Variants in CLEC6A observed in about 807,000 individuals in gnomAD.
CLEC6A encodes C-type lectin domain containing 6A.
Under a neutral mutation model 25.7 loss-of-function variants are expected in CLEC6A, and 22 were observed. The ratio of observed to expected loss-of-function variants is 0.85; its 90% CI spans 0.61 to 1.22. The LOEUF (loss-of-function observed/expected upper bound fraction) is 1.22, where lower values mean the gene tolerates loss of function less well. CLEC6A is among the 50% of genes most tolerant of loss of function. The probability of loss-of-function intolerance (pLI) is 0.00; values close to 1 mark genes in which losing one functional copy is unlikely to be tolerated. For synonymous variants in CLEC6A, 92 were observed against 76.7 expected (o/e 1.20, Z -1.04); for missense variants, 240 against 236.8 (o/e 1.01, Z -0.09).
rs1939929611 is a variant in CLEC6A, at chr12:8,473,279, C to CT, written c.370-2846_370-2845insT. ...AAAGTGCTGGGATTACAGGCGTGAGCCACCGCGCCCGGCCAGCTCCTACTT... is the reference window on the plus strand; with the variant it reads ...AAAGTGCTGGGATTACAGGCGTGAGCTCACCGCGCCCGGCCAGCTCCTACTT... On this transcript the variant is annotated intron_variant, in intron 4 of 5. Coordinates refer to ENST00000382073, the MANE Select transcript of CLEC6A (RefSeq NM_001007033.2). 2.4e-4 allele frequency among the ~76,000 whole-genome samples: 2 copies of CT among 8,206 alleles called. 1 individual carries two copies. The highest frequency in any genetic ancestry group is 8.2e-4 in the Non-Finnish European group (2 of 2,446). The allele number at this position is 8,206 out of a possible 152,430, so 5.4% of individuals were successfully genotyped here.
chr12:8,459,652 A>G lies in CLEC6A; in HGVS notation c.177A>G (p.Ser59=), dbSNP rs1168432276. The G allele has an allele frequency of 1.9e-6, 3 of 1,613,800 alleles. No individual in the cohort carries two copies. The highest frequency in any genetic ancestry group is 2.5e-6 in the Non-Finnish European group (3 of 1,179,674). Residue 59 remains serine, a synonymous_variant, in exon 3 of 6, where the codon TCA becomes TCG. Transcript: ENST00000382073. The part of the protein sequence containing the change: ...ETGKRLSELH[S]YHSSLTCFSE... ...GCAAAAGGCTGTCTGAACTACACTC[A>G]TATCATTCAAGTCTCACCTGCTTCA...
chr12:8,475,520 GA>G (rs1330030040), intron 4 of CLEC6A, among the ~76,000 whole-genome samples: 2 of 151,782 alleles, frequency 1.3e-5, no homozygotes, highest in Non-Finnish European at 2.9e-5. Flanking sequence ...TCAAAGGCCT[GA>G]AATCCAGGGG....
chr12:8,475,144 G>A (rs1217695491), intron 4 of CLEC6A, among the ~76,000 whole-genome samples: 1 of 151,910 alleles, frequency 6.6e-6, no homozygotes. Flanking sequence ...TTGATTTTCT[G>A]TCCTTGTGAT....
chr12:8,458,072 C>A, intron 2 of CLEC6A, 85 bp downstream of exon 2: 1 of 911,934 alleles, frequency 1.1e-6, no homozygotes, highest in Non-Finnish European at 1.8e-6. Flanking sequence ...TTCTCCTTTG[C>A]CCCATTAATA....
rs143278344 is a variant in CLEC6A, at chr12:8,475,267, C to T, written c.370-858C>T. Among the ~76,000 whole-genome samples the T allele has an allele frequency of 2.2e-3, 335 of 151,996 alleles. 1 individual carries two copies. Among genetic ancestry groups the T allele is most frequent in the African/African-American group, 7.6e-3 (313 of 41,446 alleles). On this transcript the variant is annotated intron_variant, in intron 4 of 5. Transcript: ENST00000382073. ...ACCCCAATGCAATTTCACTGAAAAA[C>T]AGTAGGAAATTAATATGGAACACAT...
chr12:8,470,803 T>G (rs945322344), intron 4 of CLEC6A, among the ~76,000 whole-genome samples: 2 of 152,076 alleles, frequency 1.3e-5, no homozygotes, highest in Non-Finnish European at 2.9e-5. Context: ...CAGTGTACAC[T>G]GCTTAGGTAT....
At chr12:8,461,300 G>T in intron 3 of CLEC6A, 1 of 544,754 alleles carries the variant, frequency 1.8e-6, no homozygotes, top group East Asian at 3.1e-5. Flanking sequence ...AACAAGAAAA[G>T]AAAAGAAAAA....
intron 5 of CLEC6A, among the ~76,000 whole-genome samples, chr12:8,476,850 A>G (rs1042288158): frequency 4.6e-5 from 7 of 151,940 alleles, no homozygotes; most frequent in Non-Finnish European, 1.0e-4. Flanking sequence ...GTTATGTCCA[A>G]CCTCCCAGTC....
chr12:8,462,921 T>A (rs957891187), intron 3 of CLEC6A, among the ~76,000 whole-genome samples: 2 of 151,858 alleles, frequency 1.3e-5, no homozygotes, highest in African/African-American at 4.8e-5. Context: ...CAGATTTTTA[T>A]CATGCTATAG....
intron 4 of CLEC6A, among the ~76,000 whole-genome samples, chr12:8,472,137 G>A (rs1939913267): frequency 1.3e-5 from 2 of 152,014 alleles, no homozygotes; most frequent in African/African-American, 4.8e-5. Flanking sequence ...AATCAGCCTG[G>A]GTATAGATTC....
chr12:8,475,424 A>C lies in CLEC6A; in HGVS notation c.370-701A>C, dbSNP rs76783652. Among the ~76,000 whole-genome samples, 33 of 152,134 alleles carry C rather than the reference A, an allele frequency of 2.2e-4. No homozygotes were observed. The East Asian group carries it at 4.8e-3, about 22-fold the overall frequency. On this transcript the variant is annotated intron_variant, in intron 4 of 5. Transcript: ENST00000382073. ...GATTTATATGAAAAAATAGGCTCAC[A>C]TGATTACGTAGGCTAAGAAGTCCTG...
In CLEC6A at chr12:8,456,954, A is replaced by T. The variant is rs181829534; in HGVS notation, c.31+812A>T. ...GTGAAATCCCGTCTCTAATAAAAAG[A>T]CAAAACTTAGCTGGGCATGGTGGCA... On this transcript the variant is annotated intron_variant, in intron 1 of 5. Transcript: ENST00000382073. 1.4e-3 allele frequency among the ~76,000 whole-genome samples: 218 copies of T among 152,248 alleles called. 1 individual carries two copies. The highest frequency in any genetic ancestry group is 5.0e-3 in the African/African-American group (208 of 41,544).
intron 3 of CLEC6A, among the ~76,000 whole-genome samples, chr12:8,462,123 G>A (rs1482234596): frequency 6.6e-6 from 1 of 152,118 alleles, no homozygotes. Flanking sequence ...TGGATTAAGG[G>A]CTGTGCAGGA....
In CLEC6A at chr12:8,457,893, G is replaced by T. The variant is rs747795438; in HGVS notation, c.32-5G>T. 30 of 1,612,132 alleles carry T rather than the reference G, an allele frequency of 1.9e-5. No homozygotes were observed. The highest frequency in any genetic ancestry group is 1.6e-4 in the East Asian group (7 of 44,876). On this transcript the variant is annotated splice_polypyrimidine_tract_variant and splice_region_variant and intron_variant, in intron 1 of 5. Transcript: ENST00000382073. The stretch of plus-strand genomic sequence containing the variant: ...ACTGCATTTGTTGTCTTCCTGATTG[G>T]ACAGAGAAAAGAGGCTGGTTGTCCC...
intron 4 of CLEC6A, among the ~76,000 whole-genome samples, chr12:8,473,450 A>G (rs1939933004): frequency 6.6e-6 from 1 of 152,098 alleles, no homozygotes; most frequent in Non-Finnish European, 1.5e-5. Context: ...GTGTATATGT[A>G]TTATATTTTC....
At chr12:8,460,716 C>T in intron 3 of CLEC6A, 11 of 1,473,028 alleles carry the variant, frequency 7.5e-6, no homozygotes, top group Admixed American at 5.0e-5. Context: ...ACCGCCAGCT[C>T]TCTGCTCTCC....
At chr12:8,456,657 G>A (rs1469994691) in intron 1 of CLEC6A, among the ~76,000 whole-genome samples, 1 of 152,112 alleles carries the variant, frequency 6.6e-6, no homozygotes, top group African/African-American at 2.4e-5. Context: ...CAAAATAGTT[G>A]TGCATGTTTA....
chr12:8,461,203 A>AC, intron 3 of CLEC6A: 2 of 932,474 alleles, frequency 2.1e-6, no homozygotes, highest in South Asian at 1.3e-5. Context: ...GAGAATGTGC[A>AC]ATACTCTCCA....
intron 4 of CLEC6A, among the ~76,000 whole-genome samples, chr12:8,468,877 C>A (rs1322275144): frequency 6.6e-6 from 1 of 152,022 alleles, no homozygotes; most frequent in African/African-American, 2.4e-5. Flanking sequence ...AGAACTGAAA[C>A]AAGACAAGGA....
Sources: gnomAD v4.1 joint callset for allele counts (sites outside exome capture counted in the v4.1 genomes callset) on GRCh38, gnomAD v4.1.1 for gene constraint, MANE v1.5 for transcripts, NCBI Gene and HGNC (gene_info 2026-07-23, HGNC 2026-07-21) for gene names.